Variants in STARD13 observed in about 807,000 individuals in gnomAD.
STARD13 encodes stAR-related lipid transfer protein 13.
In STARD13, 62 loss-of-function variants were observed where a neutral mutation model predicts 106.4. The observed-to-expected ratio is 0.58, with a 90% CI of 0.48 to 0.72. The LOEUF is 0.72. Ranked by LOEUF, STARD13 falls within the 30% of genes least tolerant of loss-of-function variation. The pLI, the probability that STARD13 is intolerant of heterozygous loss-of-function variation, is 0.00. For missense variants in STARD13, 1,387 were observed against 1,424.0 expected (o/e 0.97, Z 0.42); for synonymous variants, 565 against 553.0 (o/e 1.02, Z -0.31).
chr13:33,114,915 A>G (rs544434005), intron 8 of STARD13, among the ~76,000 whole-genome samples: 55 of 152,188 alleles, frequency 3.6e-4, no homozygotes, highest in African/African-American at 1.1e-3. Context: ...TTTCTGTTAC[A>G]TACCATGCTG....
chr13:33,271,974 G>A (rs1475021202), intron 1 of STARD13, among the ~76,000 whole-genome samples: 1 of 152,180 alleles, frequency 6.6e-6, no homozygotes, highest in South Asian at 2.1e-4. Flanking sequence ...CCCACTCGCT[G>A]TGTGACTTTG....
chr13:33,386,190 T>C, the STARD13 span, among the ~76,000 whole-genome samples: 1 of 152,214 alleles, frequency 6.6e-6, no homozygotes, highest in African/African-American at 2.4e-5. Context: ...TAATTAAAAG[T>C]AACCTGGTCA....
At chr13:33,469,743 A>C in the STARD13 span, among the ~76,000 whole-genome samples, 1 of 152,142 alleles carries the variant, frequency 6.6e-6, no homozygotes, top group South Asian at 2.1e-4. Context: ...ATTTAAGATT[A>C]GTCTAATCTC....
At chr13:33,382,713 C>T in the STARD13 span, among the ~76,000 whole-genome samples, 2 of 152,090 alleles carry the variant, frequency 1.3e-5, no homozygotes, top group African/African-American at 2.4e-5. Context: ...AATGCGATTC[C>T]ATTGGTAACA....
chr13:33,673,942 C>CCT, the STARD13 span, among the ~76,000 whole-genome samples: 1 of 151,810 alleles, frequency 6.6e-6, no homozygotes, highest in Non-Finnish European at 1.5e-5. Context: ...CTCATGGCAA[C>CCT]CTCCACCTCC....
At chr13:33,324,500 T>C (rs1893669612) in intron 1 of STARD13, among the ~76,000 whole-genome samples, 1 of 152,236 alleles carries the variant, frequency 6.6e-6, no homozygotes, top group Non-Finnish European at 1.5e-5. Flanking sequence ...AACCAACAGC[T>C]GATGTCAAAT....
At chr13:33,105,785 G>C in intron 13 of STARD13, 75 bp from the exon 14 acceptor site, 1 of 1,276,526 alleles carries the variant, frequency 7.8e-7, no homozygotes, top group Admixed American at 1.7e-5. Context: ...GGTGGACAGG[G>C]CTGCCCTTGG....
intron 3 of STARD13, among the ~76,000 whole-genome samples, chr13:33,157,771 A>G (rs1471393906): frequency 6.6e-6 from 1 of 152,194 alleles, no homozygotes; most frequent in Non-Finnish European, 1.5e-5. Flanking sequence ...CAAATTTAAC[A>G]TAGTACTTCT....
the STARD13 span, among the ~76,000 whole-genome samples, chr13:33,502,082 C>T: frequency 3.3e-5 from 5 of 152,200 alleles, no homozygotes; most frequent in African/African-American, 7.2e-5. Context: ...TGTAGTTCTC[C>T]GTGAAGAGGT....
At chr13:33,149,649 C>T (rs9536548) in intron 3 of STARD13, among the ~76,000 whole-genome samples, 31,432 of 152,114 alleles carry the variant, frequency 0.21, 3,614 homozygotes, top group South Asian at 0.29. Context: ...GGTACATATT[C>T]CCATCACGGT....
the STARD13 span, among the ~76,000 whole-genome samples, chr13:33,377,739 G>A: frequency 6.6e-6 from 1 of 152,088 alleles, no homozygotes; most frequent in African/African-American, 2.4e-5. Flanking sequence ...CAATAGAAAA[G>A]CCTACACTTA....
At chr13:33,666,601 T>C in the STARD13 span, among the ~76,000 whole-genome samples, 1 of 152,076 alleles carries the variant, frequency 6.6e-6, no homozygotes, top group Non-Finnish European at 1.5e-5. Context: ...AGCCTATTTA[T>C]TTTTTAAGAC....
At chr13:33,517,814 A>G in the STARD13 span, among the ~76,000 whole-genome samples, 2 of 152,124 alleles carry the variant, frequency 1.3e-5, no homozygotes, top group African/African-American at 2.4e-5. Flanking sequence ...AAATAAATCC[A>G]TACAGAGACA....
At chr13:33,330,924 G>A (rs2077829037) in intron 1 of STARD13, among the ~76,000 whole-genome samples, 1 of 152,164 alleles carries the variant, frequency 6.6e-6, no homozygotes, top group South Asian at 2.1e-4. Flanking sequence ...AAGAAAAGAG[G>A]CTCTCATGAT....
intron 1 of STARD13, among the ~76,000 whole-genome samples, chr13:33,308,736 C>G (rs1893022410): frequency 6.6e-6 from 1 of 152,034 alleles, no homozygotes; most frequent in Non-Finnish European, 1.5e-5. Context: ...GTTGGTCAGC[C>G]TGGTCTCGAA....
At chr13:33,522,180 T>A in the STARD13 span, among the ~76,000 whole-genome samples, 151 of 152,260 alleles carry the variant, frequency 9.9e-4, 1 homozygote, top group African/African-American at 3.6e-3. Context: ...TTTTTCTTTT[T>A]TTAATTGAAA....
At chr13:33,624,364 C>A in the STARD13 span, among the ~76,000 whole-genome samples, 1 of 152,254 alleles carries the variant, frequency 6.6e-6, no homozygotes, top group Admixed American at 6.5e-5. Context: ...ATCTTGGACA[C>A]TTGTGGGCCC....
chr13:33,461,168 G>A, the STARD13 span, among the ~76,000 whole-genome samples: 1 of 152,174 alleles, frequency 6.6e-6, no homozygotes, highest in African/African-American at 2.4e-5. Flanking sequence ...CTATGTGATG[G>A]TGTCCTGGGT....
intron 3 of STARD13, among the ~76,000 whole-genome samples, chr13:33,161,884 G>T (rs1047215385): frequency 1.3e-5 from 2 of 152,126 alleles, no homozygotes; most frequent in Non-Finnish European, 2.9e-5. Flanking sequence ...AAATGAGGAA[G>T]ATGCAAAAGC....
Sources: allele counts gnomAD v4.1 joint callset (sites outside exome capture counted in the v4.1 genomes callset), GRCh38; gene constraint gnomAD v4.1.1; transcripts MANE v1.5; gene names NCBI Gene and HGNC (gene_info 2026-07-23, HGNC 2026-07-21).